ASCC3: variants seen among roughly 807,000 people sequenced by gnomAD.
ASCC3 encodes ASC-1 complex subunit P200.
In ASCC3, 158 loss-of-function variants were observed where a neutral mutation model predicts 256.3. That is an observed-to-expected ratio of 0.62 (90% CI 0.54 to 0.70). ASCC3 has a LOEUF of 0.70. Among genes scored for constraint, ASCC3 ranks in the 30% least tolerant of loss-of-function variants. ASCC3 has a pLI of 0.00. For missense variants in ASCC3, 2,259 were observed against 2,626.0 expected, an observed-to-expected ratio of 0.86 and a Z score of 3.05; for synonymous variants, 948 against 883.4, an observed-to-expected ratio of 1.07 and a Z score of -1.30.
intron 36 of ASCC3, among the ~76,000 whole-genome samples, chr6:100,553,313 C>G (rs1428040726): frequency 6.6e-6 from 1 of 152,074 alleles, no homozygotes; most frequent in Admixed American, 6.6e-5. Flanking sequence ...CCAAATTACT[C>G]CTCTAATTTT....
At chr6:100,736,097 C>T (rs560942655) in intron 10 of ASCC3, among the ~76,000 whole-genome samples, 2 of 152,296 alleles carry the variant, frequency 1.3e-5, no homozygotes, top group Admixed American at 6.5e-5. Flanking sequence ...ACTCCAGTAA[C>T]TGTTGATAAA....
chr6:100,665,810 C>T (rs1470260716), intron 14 of ASCC3, among the ~76,000 whole-genome samples: 1 of 151,750 alleles, frequency 6.6e-6, no homozygotes, highest in African/African-American at 2.4e-5. Flanking sequence ...GGATGTTCCT[C>T]ATGTGATTTT....
At chr6:100,788,550 A>C (rs1387958289) in intron 8 of ASCC3, among the ~76,000 whole-genome samples, 1 of 152,034 alleles carries the variant, frequency 6.6e-6, no homozygotes, top group Non-Finnish European at 1.5e-5. Context: ...GTTGCAAACA[A>C]GCTAAAAGTA....
chr6:100,729,940 C>T (rs4840143), intron 10 of ASCC3, among the ~76,000 whole-genome samples: 143,014 of 152,110 alleles, frequency 0.94, 67,550 homozygotes, highest in South Asian at 0.99. Flanking sequence ...CAATAGTATA[C>T]TATATATCAT....
intron 34 of ASCC3, among the ~76,000 whole-genome samples, chr6:100,600,458 C>T (rs531138326): frequency 6.6e-6 from 1 of 152,230 alleles, no homozygotes; most frequent in East Asian, 1.9e-4. Context: ...ATGGCTATCT[C>T]ACTAATTTTG....
chr6:100,836,754 T>C lies in ASCC3; in HGVS notation c.801+11394A>G, dbSNP rs560092732. Among the ~76,000 whole-genome samples the C allele has an allele frequency of 8.2e-4, 125 of 152,262 alleles. No individual in the cohort carries two copies. In the Middle Eastern group the frequency reaches 0.017, roughly 21 times the overall value. On this transcript the variant is annotated intron_variant, in intron 4 of 41. Coordinates refer to ENST00000369162, the MANE Select transcript of ASCC3 (RefSeq NM_006828.4). ...TTTGGTATCAGGATAGTGCTTAGCCTGTAGCATGACTTTGGAAGTATCCAC... is the reference window on the plus strand; with the variant it reads ...TTTGGTATCAGGATAGTGCTTAGCCCGTAGCATGACTTTGGAAGTATCCAC...
At chr6:100,521,789 G>T (rs1774325830) in intron 37 of ASCC3, among the ~76,000 whole-genome samples, 1 of 152,228 alleles carries the variant, frequency 6.6e-6, no homozygotes, top group Non-Finnish European at 1.5e-5. Flanking sequence ...CCAAGGGATG[G>T]TCCAGGCAAA....
At chr6:100,787,749 T>C (rs1479920914) in intron 8 of ASCC3, among the ~76,000 whole-genome samples, 1 of 152,034 alleles carries the variant, frequency 6.6e-6, no homozygotes, top group Non-Finnish European at 1.5e-5. Context: ...TTTTGATAAA[T>C]GATGCCTGAA....
At chr6:100,738,991 G>T (rs1582788295) in intron 10 of ASCC3, among the ~76,000 whole-genome samples, 1 of 152,142 alleles carries the variant, frequency 6.6e-6, no homozygotes, top group African/African-American at 2.4e-5. Context: ...AATAGGAGAG[G>T]TGAGAGAGGG....
intron 36 of ASCC3, among the ~76,000 whole-genome samples, chr6:100,550,469 A>G (rs539805026): frequency 1.3e-5 from 2 of 152,138 alleles, no homozygotes; most frequent in Non-Finnish European, 2.9e-5. Flanking sequence ...TCAAAAGTAT[A>G]CATTTTTCAT....
chr6:100,594,478 G>C (rs1325934825), intron 34 of ASCC3, among the ~76,000 whole-genome samples: 1 of 152,124 alleles, frequency 6.6e-6, no homozygotes, highest in African/African-American at 2.4e-5. Flanking sequence ...TTTGCTTCCA[G>C]CTTTTGGGAA....
intron 10 of ASCC3, among the ~76,000 whole-genome samples, chr6:100,751,804 A>G (rs915947040): frequency 6.6e-6 from 1 of 152,018 alleles, no homozygotes; most frequent in Non-Finnish European, 1.5e-5. Flanking sequence ...AACCTTAGCA[A>G]GTGTGCTAAA....
At chr6:100,531,179 ACTTTAAGGATACAT>A (rs1262226380) in intron 37 of ASCC3, 1 of 643,788 alleles carries the variant, frequency 1.6e-6, no homozygotes, top group Non-Finnish European at 2.7e-6. Context: ...TTGAGACAAA[ACTTTAAGGATACAT>A]CTTGGACCAT....
At chr6:100,766,818 A>G in intron 9 of ASCC3, 113 bp from the exon 10 acceptor site, 1 of 1,322,640 alleles carries the variant, frequency 7.6e-7, no homozygotes, top group Non-Finnish European at 1.1e-6. Context: ...AACTACTTCC[A>G]GTGAAAAATC....
intron 8 of ASCC3, among the ~76,000 whole-genome samples, chr6:100,797,771 C>T (rs548087973): frequency 1.3e-4 from 20 of 152,128 alleles, no homozygotes; most frequent in African/African-American, 4.8e-4. Flanking sequence ...CAAGATATAA[C>T]TAGAATTTTA....
chr6:100,866,628 G>T (rs1773492322), intron 2 of ASCC3, among the ~76,000 whole-genome samples: 2 of 152,236 alleles, frequency 1.3e-5, no homozygotes, highest in South Asian at 4.1e-4. Flanking sequence ...ATTATCTGAT[G>T]GATCTTGTAA....
chr6:100,600,373 G>A (rs1404142382), intron 34 of ASCC3, among the ~76,000 whole-genome samples: 1 of 152,108 alleles, frequency 6.6e-6, no homozygotes, highest in Non-Finnish European at 1.5e-5. Flanking sequence ...GATTGGGCTA[G>A]AATAAATGTG....
At chr6:100,552,166 AATG>A (rs924256578) in intron 36 of ASCC3, among the ~76,000 whole-genome samples, 31 of 151,748 alleles carry the variant, frequency 2.0e-4, no homozygotes, top group African/African-American at 3.9e-4. Flanking sequence ...TAGTAATAAT[AATG>A]ATAATAATCA....
chr6:100,653,007 A>T (rs1203696082), intron 17 of ASCC3, 118 bp from the exon 18 acceptor site: 2 of 927,874 alleles, frequency 2.2e-6, no homozygotes, highest in Non-Finnish European at 3.3e-6. Flanking sequence ...CTTTTTAATT[A>T]CAATTTTTAA....
Sources: gnomAD v4.1 joint callset for allele counts (sites outside exome capture counted in the v4.1 genomes callset) on GRCh38, gnomAD v4.1.1 for gene constraint, MANE v1.5 for transcripts, NCBI Gene and HGNC (gene_info 2026-07-23, HGNC 2026-07-21) for gene names.